ATP6V1C2: variants seen among roughly 807,000 people sequenced by gnomAD.
ATP6V1C2 encodes V-type proton ATPase subunit C 2.
ATP6V1C2 carries 45 observed loss-of-function variants against 56.8 expected under a neutral mutation model. The ratio of observed to expected loss-of-function variants is 0.79; its 90% CI spans 0.62 to 1.02. The LOEUF is 1.02. ATP6V1C2 is among the 50% of genes least tolerant of loss of function. The pLI is 0.00. For missense variants in ATP6V1C2, 463 were observed against 519.7 expected (o/e 0.89, Z 1.06); for synonymous variants, 220 against 201.3 (o/e 1.09, Z -0.79).
chr2:10,739,492 C>G (rs939629026), intron 3 of ATP6V1C2, among the ~76,000 whole-genome samples: 1 of 151,992 alleles, frequency 6.6e-6, no homozygotes, highest in African/African-American at 2.4e-5. Flanking sequence ...CTCCAGCCAC[C>G]CTGGCTCCAT....
chr2:10,743,542 G>A (rs1218577358), intron 3 of ATP6V1C2, among the ~76,000 whole-genome samples: 3 of 151,614 alleles, frequency 2.0e-5, no homozygotes, highest in Non-Finnish European at 1.5e-5. Context: ...ACATGAGCCA[G>A]TATAGCAGAA....
chr2:10,769,359 C>T (rs1664440182), intron 6 of ATP6V1C2, among the ~76,000 whole-genome samples: 1 of 152,224 alleles, frequency 6.6e-6, no homozygotes, highest in South Asian at 2.1e-4. Context: ...AACACCGTGG[C>T]AGGGACTGTC....
rs566894405 is a variant in ATP6V1C2, at chr2:10,778,790, G to A, written c.1061+121G>A. ...CTCCACCCGTCTCCTTTCTGAGACT[G>A]TGGCTGTTGGCAACACGCTCAATTC... On this transcript the variant is annotated intron_variant, in intron 12 of 13. Coordinates refer to ENST00000272238, the MANE Select transcript of ATP6V1C2 (RefSeq NM_001039362.2). 19 of 924,860 alleles carry A rather than the reference G, an allele frequency of 2.1e-5. No homozygotes were observed. The African/African-American group carries it at 2.9e-4, about 14-fold the overall frequency. The allele number at this position is 924,860 out of a possible 1,614,324, so 57.3% of individuals were successfully genotyped here. A position where few individuals can be genotyped will look rare whatever the true frequency, so the allele number is the denominator to read the frequency against.
chr2:10,726,701 C>T (rs1275885478), intron 3 of ATP6V1C2, 132 bp downstream of exon 3: 35 of 791,022 alleles, frequency 4.4e-5, no homozygotes, highest in South Asian at 1.2e-4. Flanking sequence ...CAGAGAAAAC[C>T]GATCAGTCCC....
chr2:10,723,699 C>T (rs1424651349), intron 2 of ATP6V1C2, among the ~76,000 whole-genome samples: 1 of 151,692 alleles, frequency 6.6e-6, no homozygotes, highest in Non-Finnish European at 1.5e-5. Flanking sequence ...AATAGCCAGG[C>T]ATGGTGGCGA....
intron 4 of ATP6V1C2, among the ~76,000 whole-genome samples, chr2:10,755,423 C>G (rs1054594196): frequency 6.6e-6 from 1 of 152,212 alleles, no homozygotes; most frequent in African/African-American, 2.4e-5. Context: ...CTCAAGCGAT[C>G]CTCCTGCCTT....
chr2:10,769,099 G>A (rs745665096), intron 6 of ATP6V1C2, among the ~76,000 whole-genome samples: 3 of 152,230 alleles, frequency 2.0e-5, no homozygotes, highest in African/African-American at 7.2e-5. Context: ...CCTGGGTGCT[G>A]CCCCCAGTCC....
Position 10,740,085 on chromosome 2 carries a change from C to G in ATP6V1C2, c.197+13516C>G, listed in dbSNP as rs1464468584. Among the ~76,000 whole-genome samples the G allele has an allele frequency of 5.3e-5, 5 of 94,584 alleles. No individual in the cohort carries two copies. The Admixed American group carries it at 5.6e-4, about 11-fold the overall frequency. 62.1% of individuals were successfully genotyped at this position (94,584 alleles called of 152,430 possible). ...CCTGAGTGACAGAGTGAGACTCCAT[C>G]TCAAAAAAAAAAAAAAAAGAAAAGA... is the stretch of plus-strand genomic sequence containing the variant. On this transcript the variant is annotated intron_variant, in intron 3 of 13. Transcript: ENST00000272238.
rs1458897049 is a variant in ATP6V1C2 at position 10,744,640 on chromosome 2, A to G, written c.198-9341A>G. ...TCTCACTGTTACAATAATTGTCCCC[A>G]TGCTTGATGGGTTTTTTTTTCTCTT... On this transcript the variant is annotated intron_variant, in intron 3 of 13. Coordinates refer to ENST00000272238, the MANE Select transcript of ATP6V1C2 (RefSeq NM_001039362.2). Among the ~76,000 whole-genome samples, 4 of 149,342 alleles carry G rather than the reference A, an allele frequency of 2.7e-5. 1 individual carries two copies. Among genetic ancestry groups the G allele is most frequent in the African/African-American group, 7.4e-5 (3 of 40,530 alleles).
In ATP6V1C2 at chr2:10,779,866, T is replaced by C. The variant is rs574737533; in HGVS notation, c.1061+1197T>C. On this transcript the variant is annotated intron_variant, in intron 12 of 13. Coordinates refer to ENST00000272238, the MANE Select transcript of ATP6V1C2 (RefSeq NM_001039362.2). ...TTTTTATGAATAGATACGTAATTCT[T>C]ACAGATTTTTATGAAAGTGGAATCA... Among the ~76,000 whole-genome samples the C allele has an allele frequency of 2.0e-5, 3 of 152,190 alleles. No individual in the cohort carries two copies. In the East Asian group the frequency reaches 5.8e-4, roughly 29 times the overall value.
chr2:10,722,566 GAGAA>G (rs1480073529), intron 1 of ATP6V1C2, among the ~76,000 whole-genome samples: 1 of 152,140 alleles, frequency 6.6e-6, no homozygotes, highest in Non-Finnish European at 1.5e-5. Context: ...CTGAGGTGGA[GAGAA>G]AGAAAGGAAC....
intron 10 of ATP6V1C2, among the ~76,000 whole-genome samples, chr2:10,777,340 C>T (rs1395640892): frequency 6.6e-6 from 1 of 152,164 alleles, no homozygotes; most frequent in African/African-American, 2.4e-5. Flanking sequence ...ACCCCTCTGC[C>T]AGAGATCGGC....
At chr2:10,753,499 A>C (rs1663337477) in intron 3 of ATP6V1C2, among the ~76,000 whole-genome samples, 2 of 151,090 alleles carry the variant, frequency 1.3e-5, no homozygotes, top group South Asian at 4.2e-4. Context: ...ATAGCTTCCC[A>C]GAAGTGGAAT....
chr2:10,739,693 T>G (rs1470663219), intron 3 of ATP6V1C2, among the ~76,000 whole-genome samples: 1 of 152,222 alleles, frequency 6.6e-6, no homozygotes, highest in Non-Finnish European at 1.5e-5. Flanking sequence ...TAAAGCCCAC[T>G]GTATAAGTTA....
chr2:10,726,162 T>C (rs145508067), intron 2 of ATP6V1C2, among the ~76,000 whole-genome samples: 1 of 152,320 alleles, frequency 6.6e-6, no homozygotes, highest in Non-Finnish European at 1.5e-5. Flanking sequence ...TTTAACTTGC[T>C]TTCTGGTGTA....
chr2:10,755,314 G>A (rs1663489091), intron 4 of ATP6V1C2, among the ~76,000 whole-genome samples: 1 of 151,650 alleles, frequency 6.6e-6, no homozygotes, highest in Non-Finnish European at 1.5e-5. Flanking sequence ...GGGATGACAG[G>A]CGTGAGCCAC....
At chr2:10,772,081 G>T in intron 7 of ATP6V1C2, 144 bp downstream of exon 7, 1 of 714,372 alleles carries the variant, frequency 1.4e-6, no homozygotes, top group East Asian at 2.6e-5. Context: ...ATGGGGCCCT[G>T]CCTGCGGCTG....
intron 3 of ATP6V1C2, among the ~76,000 whole-genome samples, chr2:10,747,957 C>T (rs1427195233): frequency 6.6e-6 from 1 of 152,060 alleles, no homozygotes; most frequent in Non-Finnish European, 1.5e-5. Context: ...GCCTCCCAGG[C>T]TCAAGCAATT....
intron 3 of ATP6V1C2, among the ~76,000 whole-genome samples, chr2:10,742,736 C>A (rs548248876): frequency 2.3e-4 from 35 of 152,274 alleles, no homozygotes; most frequent in African/African-American, 7.7e-4. Context: ...CACCCCTGAA[C>A]GCCTTGGGGT....
Sources: gnomAD v4.1 joint callset for allele counts (sites outside exome capture counted in the v4.1 genomes callset) on GRCh38, gnomAD v4.1.1 for gene constraint, MANE v1.5 for transcripts, NCBI Gene and HGNC (gene_info 2026-07-23, HGNC 2026-07-21) for gene names.